DMD: variants seen among roughly 807,000 people sequenced by gnomAD.
DMD encodes the protein dystrophin.
DMD carries 63 observed loss-of-function variants against 330.1 expected under a neutral mutation model. The ratio of observed to expected loss-of-function variants is 0.19; its 90% CI spans 0.16 to 0.24. The LOEUF (loss-of-function observed/expected upper bound fraction) is 0.24. Ranked by LOEUF, DMD falls within the 10% of genes least tolerant of loss-of-function variation. The pLI is 1.00. For synonymous variants in DMD, 1,223 were observed against 959.8 expected, an observed-to-expected ratio of 1.27 and a Z score of -5.07; for missense variants, 3,344 against 2,684.1, an observed-to-expected ratio of 1.25 and a Z score of -5.43.
intron 18 of DMD, among the ~76,000 whole-genome samples, chrX:32,510,334 G>A (rs2045155697): frequency 9.0e-6 from 1 of 111,501 alleles, no homozygotes; most frequent in Non-Finnish European, 1.9e-5. Flanking sequence ...TTACTTACTT[G>A]GACATTTTCC....
At chrX:32,355,836 T>C (rs765473995) in intron 37 of DMD, among the ~76,000 whole-genome samples, 1 of 110,991 alleles carries the variant, frequency 9.0e-6, no homozygotes. Flanking sequence ...TATTTACAAG[T>C]CTTCATCTCA....
chrX:32,007,054 T>C (rs1267842018), intron 44 of DMD, among the ~76,000 whole-genome samples: 1 of 65,196 alleles, frequency 1.5e-5, no homozygotes, highest in Non-Finnish European at 2.6e-5. Flanking sequence ...AACATCACAC[T>C]CTGGGGACTG....
At chrX:32,885,263 C>T (rs2084405577) in intron 2 of DMD, among the ~76,000 whole-genome samples, 1 of 111,178 alleles carries the variant, frequency 9.0e-6, no homozygotes, top group East Asian at 2.8e-4. Flanking sequence ...AGATATTGTA[C>T]CCCTGTGGTG....
intron 43 of DMD, among the ~76,000 whole-genome samples, chrX:32,271,218 A>G (rs931889667): frequency 4.5e-5 from 5 of 112,158 alleles, no homozygotes; most frequent in South Asian, 7.3e-4. Context: ...GCATTTCAAG[A>G]CAAACAGACA....
At chrX:33,123,885 C>T (rs1308927539) in intron 1 of DMD, among the ~76,000 whole-genome samples, 2 of 110,565 alleles carry the variant, frequency 1.8e-5, no homozygotes, top group South Asian at 3.8e-4. Context: ...AAATAAAAGG[C>T]TGGGCGTTGT....
chrX:32,862,452 G>GC (rs2082139718), intron 2 of DMD, among the ~76,000 whole-genome samples: 1 of 111,595 alleles, frequency 9.0e-6, no homozygotes, highest in African/African-American at 3.3e-5. Context: ...CAAAAAGTCA[G>GC]CATGATTCAT....
intron 44 of DMD, among the ~76,000 whole-genome samples, chrX:31,999,575 T>G (rs1216059694): frequency 8.9e-6 from 1 of 111,747 alleles, no homozygotes; most frequent in Non-Finnish European, 1.9e-5. Flanking sequence ...ATTACCTTAC[T>G]GTTGTTGACT....
At position 32,864,820 on chromosome X, in the gene DMD, A is replaced by G. The variant is rs139082479; in HGVS notation, c.94-15000T>C. Among the ~76,000 whole-genome samples, 1,028 of 112,278 alleles carry G rather than the reference A, an allele frequency of 9.2e-3. 14 individuals are homozygous for G. Among genetic ancestry groups the G allele is most frequent in the African/African-American group, 0.031 (962 of 30,916 alleles). On this transcript the variant is annotated intron_variant, in intron 2 of 78. Coordinates refer to ENST00000357033, the MANE Select transcript of DMD (RefSeq NM_004006.3). ...ACTAAAGAAGAAATATCATTCAACAAAAACTTAAGGCTATATAAATCAAAA... is the reference window on the plus strand; with the variant it reads ...ACTAAAGAAGAAATATCATTCAACAGAAACTTAAGGCTATATAAATCAAAA...
At chrX:32,616,593 G>T (rs2057584896) in intron 11 of DMD, among the ~76,000 whole-genome samples, 1 of 104,875 alleles carries the variant, frequency 9.5e-6, no homozygotes, top group South Asian at 4.2e-4. Flanking sequence ...AGTTTAGCAT[G>T]TTCTTACTAT....
intron 50 of DMD, among the ~76,000 whole-genome samples, chrX:31,801,068 C>G (rs1238813518): frequency 8.9e-6 from 1 of 111,875 alleles, no homozygotes; most frequent in Non-Finnish European, 1.9e-5. Flanking sequence ...ATACCCCACT[C>G]TCTGCAGTAC....
chrX:32,205,000 C>G (rs1338919785), intron 44 of DMD, among the ~76,000 whole-genome samples: 1 of 53,204 alleles, frequency 1.9e-5, no homozygotes, highest in Admixed American at 2.4e-4. Context: ...CTCTCTCTCT[C>G]TCTCTCACAT....
chrX:32,135,167 T>C (rs1419292111), intron 44 of DMD, among the ~76,000 whole-genome samples: 1 of 112,403 alleles, frequency 8.9e-6, no homozygotes, highest in Non-Finnish European at 1.9e-5. Context: ...CCTAGATTAT[T>C]TGAGCTATAG....
At chrX:33,080,578 T>A (rs1387874792) in intron 1 of DMD, among the ~76,000 whole-genome samples, 1 of 111,776 alleles carries the variant, frequency 8.9e-6, no homozygotes, top group Non-Finnish European at 1.9e-5. Flanking sequence ...CTATTTTAAT[T>A]ATATGCTAGG....
chrX:31,641,384 T>TTA (rs1307397105), intron 54 of DMD, among the ~76,000 whole-genome samples: 1 of 107,810 alleles, frequency 9.3e-6, no homozygotes, highest in Non-Finnish European at 1.9e-5. Context: ...GTGCCTGTAA[T>TTA]CCCAGCCACT....
chrX:32,960,511 C>A (rs757473422), intron 2 of DMD, among the ~76,000 whole-genome samples: 5 of 112,090 alleles, frequency 4.5e-5, no homozygotes, highest in African/African-American at 1.6e-4. Context: ...AGGAGCCTAA[C>A]CTTAAGTGCC....
intron 1 of DMD, among the ~76,000 whole-genome samples, chrX:33,168,326 G>T (rs1211178152): frequency 9.1e-6 from 1 of 110,342 alleles, no homozygotes; most frequent in African/African-American, 3.3e-5. Context: ...AAGAACGTTG[G>T]GATCCTACAA....
chrX:31,828,546 C>T (rs1378907270), intron 49 of DMD, among the ~76,000 whole-genome samples: 4 of 107,989 alleles, frequency 3.7e-5, no homozygotes, highest in Non-Finnish European at 7.6e-5. Flanking sequence ...CACCTGTAAT[C>T]TCAGCTACTT....
At chrX:32,920,090 A>G (rs1042439883) in intron 2 of DMD, among the ~76,000 whole-genome samples, 2 of 111,686 alleles carry the variant, frequency 1.8e-5, no homozygotes, top group Non-Finnish European at 1.9e-5. Flanking sequence ...GTCCTCAATC[A>G]AACACTAGAT....
Position 32,143,187 on chromosome X carries a change from T to C in DMD, c.6438+73729A>G, listed in dbSNP as rs1019194529. On this transcript the variant is annotated intron_variant, in intron 44 of 78. Coordinates refer to ENST00000357033, the MANE Select transcript of DMD (RefSeq NM_004006.3). ...TTAAAGGAGCTCAATATAAATATATTGAATGGAATTAAATGCCATTGCTAA... is the reference window on the plus strand; with the variant it reads ...TTAAAGGAGCTCAATATAAATATATCGAATGGAATTAAATGCCATTGCTAA... Among the ~76,000 whole-genome samples the C allele has an allele frequency of 3.6e-5, 4 of 111,507 alleles. No individual in the cohort carries two copies. In the East Asian group the frequency reaches 8.4e-4, roughly 23 times the overall value.
Sources: gnomAD v4.1 joint callset for allele counts (sites outside exome capture counted in the v4.1 genomes callset) on GRCh38, gnomAD v4.1.1 for gene constraint, MANE v1.5 for transcripts, NCBI Gene and HGNC (gene_info 2026-07-23, HGNC 2026-07-21) for gene names.